Variants in EXT1 observed in about 807,000 individuals in gnomAD.
EXT1 encodes exostosin glycosyltransferase 1.
Under a neutral mutation model 82.5 loss-of-function variants are expected in EXT1, and 20 were observed. That is an observed-to-expected ratio of 0.24 (90% CI 0.17 to 0.35). The LOEUF is 0.35. Among genes scored for constraint, EXT1 ranks in the 10% least tolerant of loss-of-function variants. The pLI, the probability that EXT1 is intolerant of heterozygous loss-of-function variation, is 1.00. For missense variants in EXT1, 757 were observed against 936.5 expected (o/e 0.81, Z 2.50); for synonymous variants, 348 against 350.8 (o/e 0.99, Z 0.09).
intron 5 of EXT1, 147 bp from the exon 6 acceptor site, chr8:117,819,941 A>T: frequency 1.3e-6 from 1 of 757,128 alleles, no homozygotes; most frequent in Non-Finnish European, 2.2e-6. Flanking sequence ...GACAGGACAG[A>T]AACAAGATGA....
At chr8:118,040,808 G>A (rs950895256) in intron 1 of EXT1, among the ~76,000 whole-genome samples, 6 of 152,208 alleles carry the variant, frequency 3.9e-5, no homozygotes, top group African/African-American at 1.4e-4. Context: ...AACTGCCCTT[G>A]TTTAATAAAA....
intron 1 of EXT1, among the ~76,000 whole-genome samples, chr8:118,026,904 G>A (rs1481468256): frequency 1.3e-5 from 2 of 152,172 alleles, no homozygotes; most frequent in Non-Finnish European, 2.9e-5. Context: ...GATTGTCCAA[G>A]GTAATGACCC....
chr8:118,035,595 C>T (rs2129888820), intron 1 of EXT1, among the ~76,000 whole-genome samples: 1 of 151,576 alleles, frequency 6.6e-6, no homozygotes, highest in East Asian at 2.0e-4. Flanking sequence ...TAACTCAATT[C>T]AAACACACAC....
chr8:118,090,778 CAAAAAAAA>C (rs11318164), intron 1 of EXT1, among the ~76,000 whole-genome samples: 146 of 27,174 alleles, frequency 5.4e-3, no homozygotes, highest in South Asian at 0.036. Flanking sequence ...GATTCTGTCT[CAAAAAAAA>C]AAAAAAAAAA....
chr8:117,999,561 T>C (rs1815615768), intron 1 of EXT1, among the ~76,000 whole-genome samples: 1 of 152,200 alleles, frequency 6.6e-6, no homozygotes, highest in African/African-American at 2.4e-5. Flanking sequence ...AAATTTCCAC[T>C]AGAAGGCAAG....
intron 1 of EXT1, among the ~76,000 whole-genome samples, chr8:118,078,468 G>A (rs1208195279): frequency 2.0e-5 from 3 of 151,662 alleles, no homozygotes; most frequent in Non-Finnish European, 4.4e-5. Flanking sequence ...AGAGTGTTGA[G>A]ATTACAGGCA....
intron 1 of EXT1, among the ~76,000 whole-genome samples, chr8:118,002,657 G>C (rs1275702567): frequency 6.7e-6 from 1 of 148,976 alleles, no homozygotes; most frequent in African/African-American, 2.5e-5. Flanking sequence ...TGAGCCTCCT[G>C]AGTAGATGGG....
intron 3 of EXT1, among the ~76,000 whole-genome samples, chr8:117,831,297 T>C (rs1475381024): frequency 6.6e-6 from 1 of 152,182 alleles, no homozygotes; most frequent in Admixed American, 6.5e-5. Context: ...GTACTAAGGT[T>C]TTAATGATGA....
chr8:117,994,801 T>C (rs570208911), intron 1 of EXT1, among the ~76,000 whole-genome samples: 55 of 152,326 alleles, frequency 3.6e-4, no homozygotes, highest in African/African-American at 1.3e-3. Context: ...GACAGAAATA[T>C]ATCTAACTGT....
chr8:118,064,525 T>C (rs1413207880), intron 1 of EXT1, among the ~76,000 whole-genome samples: 1 of 152,232 alleles, frequency 6.6e-6, no homozygotes, highest in Non-Finnish European at 1.5e-5. Flanking sequence ...TTTTTATAGC[T>C]ACATAGTATT....
At chr8:118,104,951 T>C (rs754806789) in intron 1 of EXT1, among the ~76,000 whole-genome samples, 1 of 152,170 alleles carries the variant, frequency 6.6e-6, no homozygotes, top group Non-Finnish European at 1.5e-5. Context: ...GAGGTAGCAA[T>C]GAATGTTCTT....
At chr8:117,911,001 A>T (rs912769514) in intron 1 of EXT1, among the ~76,000 whole-genome samples, 2 of 152,146 alleles carry the variant, frequency 1.3e-5, no homozygotes, top group Non-Finnish European at 2.9e-5. Context: ...CGTGAACTCT[A>T]GAGTCGAGCT....
At chr8:118,002,528 CTTTTTTTT>C (rs60354141) in intron 1 of EXT1, among the ~76,000 whole-genome samples, 1 of 87,096 alleles carries the variant, frequency 1.1e-5, no homozygotes, top group East Asian at 3.2e-4. Flanking sequence ...GAATATTTTT[CTTTTTTTT>C]TTTTTTTTTT....
At chr8:117,962,017 C>G (rs1354248325) in intron 1 of EXT1, among the ~76,000 whole-genome samples, 2 of 152,104 alleles carry the variant, frequency 1.3e-5, no homozygotes, top group African/African-American at 2.4e-5. Flanking sequence ...AGGGTCAGTG[C>G]AGGGGAAAAA....
chr8:118,009,721 G>A (rs543186270), intron 1 of EXT1, among the ~76,000 whole-genome samples: 18 of 152,296 alleles, frequency 1.2e-4, no homozygotes, highest in South Asian at 2.1e-4. Context: ...AACTGTGCAC[G>A]TGAGGGATCT....
intron 1 of EXT1, among the ~76,000 whole-genome samples, chr8:117,934,810 A>C (rs533220903): frequency 8.5e-5 from 13 of 152,094 alleles, no homozygotes; most frequent in Non-Finnish European, 1.9e-4. Context: ...TATTTTTTTT[A>C]AGCACAGAAT....
intron 1 of EXT1, among the ~76,000 whole-genome samples, chr8:117,949,748 G>C (rs556650384): frequency 1.3e-5 from 2 of 152,170 alleles, no homozygotes; most frequent in African/African-American, 4.8e-5. Context: ...GAAAACGAAA[G>C]AGAGAAAAAG....
chr8:117,888,506 T>C (rs568250538), intron 1 of EXT1, among the ~76,000 whole-genome samples: 41 of 152,244 alleles, frequency 2.7e-4, no homozygotes, highest in African/African-American at 9.1e-4. Context: ...CCACTATATA[T>C]ATATATATCC....
At chr8:117,874,591 A>AAAAAAAAAAAAAAAAAAAAAAAAAAAAAC in intron 1 of EXT1, among the ~76,000 whole-genome samples, 1 of 151,256 alleles carries the variant, frequency 6.6e-6, no homozygotes, top group East Asian at 1.9e-4. Flanking sequence ...AAAAAAAAAA[A>AAAAAAAAAAAAAAAAAAAAAAAAAAAAAC]AAGAACAATC....
Sources: allele counts gnomAD v4.1 joint callset (sites outside exome capture counted in the v4.1 genomes callset), GRCh38; gene constraint gnomAD v4.1.1; transcripts MANE v1.5; gene names NCBI Gene and HGNC (gene_info 2026-07-23, HGNC 2026-07-21).